Variants in LRP12 observed in about 807,000 individuals in gnomAD.
LRP12 encodes the protein low-density lipoprotein receptor-related protein 12.
LRP12 carries 14 observed loss-of-function variants against 66.0 expected under a neutral mutation model. The observed-to-expected ratio is 0.21, with a 90% CI of 0.14 to 0.33. LRP12 has a LOEUF of 0.33. Ranked by LOEUF, LRP12 falls within the 10% of genes least tolerant of loss-of-function variation. The pLI is 1.00. For missense variants in LRP12, 889 were observed against 1,053.4 expected, an observed-to-expected ratio of 0.84 and a Z score of 2.16; for synonymous variants, 357 against 359.1, an observed-to-expected ratio of 0.99 and a Z score of 0.07.
chr8:104,529,720 T>C (rs533192448), intron 2 of LRP12, among the ~76,000 whole-genome samples: 2 of 152,196 alleles, frequency 1.3e-5, no homozygotes, highest in South Asian at 2.1e-4. Context: ...GGTAAGAAAA[T>C]TGATTCAAAG....
At chr8:104,583,796 C>G (rs1386309817) in intron 1 of LRP12, among the ~76,000 whole-genome samples, 1 of 152,118 alleles carries the variant, frequency 6.6e-6, no homozygotes, top group Non-Finnish European at 1.5e-5. Flanking sequence ...ACATATCTGA[C>G]AGGATTGCCA....
chr8:104,501,153 G>A (rs1165763592), intron 3 of LRP12, among the ~76,000 whole-genome samples: 1 of 151,810 alleles, frequency 6.6e-6, no homozygotes, highest in South Asian at 2.1e-4. Flanking sequence ...GAGCTTATTC[G>A]GGGGCATGTA....
intron 1 of LRP12, among the ~76,000 whole-genome samples, chr8:104,533,648 A>G (rs561420609): frequency 1.3e-5 from 2 of 152,082 alleles, no homozygotes; most frequent in Non-Finnish European, 2.9e-5. Flanking sequence ...TCTGTAAGAT[A>G]GCATATTATG....
intron 1 of LRP12, among the ~76,000 whole-genome samples, chr8:104,536,780 T>C (rs1811398148): frequency 6.6e-6 from 1 of 152,006 alleles, no homozygotes; most frequent in African/African-American, 2.4e-5. Flanking sequence ...TGTGTCCATG[T>C]GCAGATTATA....
chr8:104,522,469 G>A (rs1811166656), intron 2 of LRP12, among the ~76,000 whole-genome samples: 1 of 152,022 alleles, frequency 6.6e-6, no homozygotes, highest in Admixed American at 6.6e-5. Context: ...TACGGATTAA[G>A]AAAGAAACTT....
Position 104,523,973 on chromosome 8 carries a change from C to T in LRP12, c.136+7934G>A, listed in dbSNP as rs143839455. ...AGAATACAGCATTTAAGCCTGGGCA[C>T]GGTGGCTCACACCTGTAATACCAGC... On this transcript the variant is annotated intron_variant, in intron 2 of 6. Coordinates refer to ENST00000276654, the MANE Select transcript of LRP12 (RefSeq NM_013437.5). Among the ~76,000 whole-genome samples the T allele has an allele frequency of 2.9e-3, 437 of 152,132 alleles. 4 individuals are homozygous for T. The highest frequency in any genetic ancestry group is 3.6e-3 in the Non-Finnish European group (243 of 67,978).
intron 5 of LRP12, among the ~76,000 whole-genome samples, chr8:104,496,768 C>T (rs969776449): frequency 3.9e-5 from 6 of 152,176 alleles, no homozygotes; most frequent in Admixed American, 2.6e-4. Context: ...TGGGCTTTTT[C>T]TCATAACTCT....
At chr8:104,571,861 C>A (rs1177237730) in intron 1 of LRP12, among the ~76,000 whole-genome samples, 1 of 152,204 alleles carries the variant, frequency 6.6e-6, no homozygotes, top group African/African-American at 2.4e-5. Context: ...TCCTCCCTTC[C>A]CACCAGGTCT....
chr8:104,548,295 TTATATAA>T (rs1259200133), intron 1 of LRP12, among the ~76,000 whole-genome samples: 24 of 60,908 alleles, frequency 3.9e-4, no homozygotes, highest in African/African-American at 2.4e-3. Context: ...TATCATATAT[TTATATAA>T]TATATATTAT....
chr8:104,551,235 AAT>A (rs1811720533), intron 1 of LRP12, among the ~76,000 whole-genome samples: 1 of 152,190 alleles, frequency 6.6e-6, no homozygotes, highest in Non-Finnish European at 1.5e-5. Context: ...CAGTTCAGGA[AAT>A]ACAATTCTGT....
Position 104,497,677 on chromosome 8 carries a change from C to T in LRP12, c.875G>A (p.Gly292Asp), listed in dbSNP as rs1339486020. The change falls in exon 5 of 7, where the codon GGT (glycine) becomes GAT (aspartate). Residue 292 changes from glycine (G) to aspartate (D), a missense_variant. Gly to Asp is a moderately conservative substitution (Grantham distance 94). Transcript: ENST00000276654. This position sits in a 1 kb window ranked among gnomAD's most constrained non-coding sequence, Gnocchi z 4.3. ...GSNCTWLIDT[G>D]DHRKVILRFT... ...GCGTAAAATGACTTTACGGTGATCA[C>T]CAGTGTCTATTAACCAGGTGCAATT... 1 of 1,613,966 alleles carries T rather than the reference C, an allele frequency of 6.2e-7. No individual in the cohort carries two copies. The highest frequency in any genetic ancestry group is 1.1e-5 in the South Asian group (1 of 91,056).
chr8:104,541,252 T>C (rs1469854246), intron 1 of LRP12, among the ~76,000 whole-genome samples: 1 of 152,200 alleles, frequency 6.6e-6, no homozygotes, highest in African/African-American at 2.4e-5. Flanking sequence ...GAGATCTTTA[T>C]GCACCCTACT....
chr8:104,511,606 T>A (rs1180259587), intron 2 of LRP12, among the ~76,000 whole-genome samples: 1 of 152,164 alleles, frequency 6.6e-6, no homozygotes, highest in African/African-American at 2.4e-5. Flanking sequence ...ATTATGTAAT[T>A]TAAAGAATTT....
rs1305237574 is a variant in LRP12 at position 104,531,977 on chromosome 8, TAATG to T, written c.80-18_80-15del. On this transcript the variant is annotated splice_polypyrimidine_tract_variant and intron_variant, in intron 1 of 6. Coordinates refer to ENST00000276654, the MANE Select transcript of LRP12 (RefSeq NM_013437.5). ...GAGCACCATTTCCTAAAATTAAACATAATGAATAAACTAATATCCAAGATAAAAT... is the reference window on the plus strand; with the variant it reads ...GAGCACCATTTCCTAAAATTAAACATAATAAACTAATATCCAAGATAAAAT... The T allele has an allele frequency of 6.4e-7, 1 of 1,560,282 alleles. No individual in the cohort carries two copies.
At chr8:104,493,973 TGA>T in intron 6 of LRP12, among the ~76,000 whole-genome samples, 1 of 152,232 alleles carries the variant, frequency 6.6e-6, no homozygotes, top group Non-Finnish European at 1.5e-5. Flanking sequence ...GTGAGTTTTT[TGA>T]GTGTTCCTAG....
At chr8:104,528,132 A>C (rs778431663) in intron 2 of LRP12, among the ~76,000 whole-genome samples, 6 of 152,210 alleles carry the variant, frequency 3.9e-5, no homozygotes, top group Non-Finnish European at 7.3e-5. Flanking sequence ...TTACCTGATA[A>C]CACTAGGTGC....
intron 1 of LRP12, among the ~76,000 whole-genome samples, chr8:104,586,687 C>CT (rs1429601043): frequency 3.3e-5 from 5 of 152,172 alleles, no homozygotes; most frequent in Non-Finnish European, 7.3e-5. Context: ...TGTTACAGCC[C>CT]TTTTTCACTA....
At position 104,497,167 on chromosome 8, in the gene LRP12, C is replaced by T. The variant is rs766182789; in HGVS notation, c.1385G>A (p.Arg462His). The T allele has an allele frequency of 3.8e-5, 61 of 1,610,284 alleles. No individual in the cohort carries two copies. Among genetic ancestry groups the T allele is most frequent in the Admixed American group, 1.8e-4 (11 of 59,666 alleles). ...QPGNFHCKNN[R>H]CVFESWVCDS... is the part of the protein sequence containing the mutation. The stretch of plus-strand genomic sequence containing the variant: ...ACACACCCAACTTTCAAACACACAA[C>T]GATTGTTTTTACAATGGAAATTTCC... Residue 462 changes from arginine to histidine, a missense_variant, in exon 5 of 7, where the codon CGT becomes CAT. Around this residue, in one of 3 missense-constraint regions of LRP12, gnomAD observed 800 missense variants for 964.5 expected, o/e 0.83. Coordinates refer to ENST00000276654, the MANE Select transcript of LRP12 (RefSeq NM_013437.5). The surrounding 1 kb of genome is among the most constrained non-coding windows in gnomAD (Gnocchi z 4.3).
At chr8:104,547,653 A>G (rs1241567957) in intron 1 of LRP12, among the ~76,000 whole-genome samples, 1 of 118,948 alleles carries the variant, frequency 8.4e-6, no homozygotes, top group East Asian at 2.2e-4. Flanking sequence ...AATAATTAAA[A>G]TATAATATAA....
Sources: allele counts gnomAD v4.1 joint callset (sites outside exome capture counted in the v4.1 genomes callset), GRCh38; gene constraint gnomAD v4.1.1; regional missense constraint gnomAD v4.1.1; non-coding constraint Gnocchi (gnomAD v3.1); transcripts MANE v1.5; gene names NCBI Gene and HGNC (gene_info 2026-07-23, HGNC 2026-07-21).